The following FAM193A variants were observed in gnomAD, a reference collection of about 807,000 sequenced individuals.
FAM193A encodes protein FAM193A.
FAM193A carries 22 observed loss-of-function variants against 126.5 expected under a neutral mutation model. The observed-to-expected ratio is 0.17, with a 90% CI of 0.12 to 0.25. The LOEUF is 0.25. Ranked by LOEUF, FAM193A falls within the 10% of genes least tolerant of loss-of-function variation. FAM193A has a pLI of 1.00. For synonymous variants in FAM193A, 761 were observed against 646.8 expected (o/e 1.18, Z -2.68); for missense variants, 1,675 against 1,672.8 (o/e 1.00, Z -0.02).
chr4:2,714,331 C>T (rs955499867), intron 19 of FAM193A, among the ~76,000 whole-genome samples: 7 of 152,122 alleles, frequency 4.6e-5, no homozygotes, highest in African/African-American at 1.7e-4. Context: ...ACATGTGGAG[C>T]CTGCTGTGGC....
At position 2,617,752 on chromosome 4, in the gene FAM193A, G is replaced by A. The variant is rs1271741447; in HGVS notation, c.502-7510G>A. On this transcript the variant is annotated intron_variant, in intron 2 of 20. Coordinates refer to ENST00000637812, the MANE Select transcript of FAM193A (RefSeq NM_001366318.2). ...TACTTGGAGCGCCACCATTTCTGGT[G>A]CTAATGTAGTCGTGTGTTTTTCTTA... 2.6e-5 allele frequency among the ~76,000 whole-genome samples: 4 copies of A among 152,248 alleles called. No individual in the cohort carries two copies. The South Asian group carries it at 6.2e-4, about 24-fold the overall frequency.
intron 10 of FAM193A, among the ~76,000 whole-genome samples, chr4:2,660,991 T>TA (rs1213201741): frequency 2.0e-5 from 3 of 152,214 alleles, no homozygotes; most frequent in Non-Finnish European, 4.4e-5. Context: ...AGCTGGCTGT[T>TA]ATCCAACTTC....
rs1553916282 is a variant in FAM193A at position 2,719,063 on chromosome 4, GTGAATACTCCCTACTTTGTTTTA to G, written c.4454+2963_4454+2985del. Among the ~76,000 whole-genome samples, 6 of 152,278 alleles carry G rather than the reference GTGAATACTCCCTACTTTGTTTTA, an allele frequency of 3.9e-5. 1 individual carries two copies. The highest frequency in any genetic ancestry group is 1.5e-5 in the Non-Finnish European group (1 of 68,036). ...AATGAGTGAGACATCACACACACAAGTGAATACTCCCTACTTTGTTTTATGAGACAAGTAAAATTCTGATACCA... is the reference window on the plus strand; with the variant it reads ...AATGAGTGAGACATCACACACACAAGTGAGACAAGTAAAATTCTGATACCA... On this transcript the variant is annotated intron_variant, in intron 20 of 20. Coordinates refer to ENST00000637812, the MANE Select transcript of FAM193A (RefSeq NM_001366318.2).
intron 13 of FAM193A, among the ~76,000 whole-genome samples, chr4:2,682,047 C>G (rs59080809): frequency 7.2e-6 from 1 of 138,826 alleles, no homozygotes; most frequent in Non-Finnish European, 1.5e-5. Flanking sequence ...TGCAGTGATG[C>G]GATCTCGGCT....
chr4:2,592,686 G>T (rs1740638460), intron 1 of FAM193A, among the ~76,000 whole-genome samples: 1 of 152,200 alleles, frequency 6.6e-6, no homozygotes, highest in African/African-American at 2.4e-5. Context: ...TGATTGAGGA[G>T]GCTGAGTTGA....
chr4:2,546,200 C>T lies in FAM193A; in HGVS notation c.255+9030C>T, dbSNP rs186793407. Among the ~76,000 whole-genome samples the T allele has an allele frequency of 3.5e-3, 525 of 151,858 alleles. 6 individuals are homozygous for T. The highest frequency in any genetic ancestry group is 0.012 in the African/African-American group (493 of 41,394). ...AAAGATGGGGTCCCACTGTGTTTCC[C>T]AAGCTGATCTCAAACTCCTGGGCTC... On this transcript the variant is annotated intron_variant, in intron 1 of 20. Transcript: ENST00000637812.
intron 1 of FAM193A, among the ~76,000 whole-genome samples, chr4:2,592,582 G>A (rs937762069): frequency 2.0e-5 from 3 of 152,132 alleles, no homozygotes; most frequent in South Asian, 4.1e-4. Flanking sequence ...AAGAATAACC[G>A]CGGCAAGCTC....
At chr4:2,549,598 G>A (rs1456810342) in intron 1 of FAM193A, among the ~76,000 whole-genome samples, 2 of 150,022 alleles carry the variant, frequency 1.3e-5, no homozygotes, top group African/African-American at 2.4e-5. Flanking sequence ...GGGTTTCACC[G>A]TTTTAGCCAG....
rs1407420358 is a variant in FAM193A at position 2,693,578 on chromosome 4, A to G, written c.2804-8A>G. The G allele has an allele frequency of 1.2e-6, 2 of 1,605,452 alleles. No individual in the cohort carries two copies. The highest frequency in any genetic ancestry group is 4.5e-5 in the East Asian group (2 of 44,676). On this transcript the variant is annotated splice_polypyrimidine_tract_variant and splice_region_variant and intron_variant, in intron 15 of 20. Coordinates refer to ENST00000637812, the MANE Select transcript of FAM193A (RefSeq NM_001366318.2). ...ACTTGGCAGTGACTCTCGCCTCTCTAAATGCAGGTGACGTGTTTCATGGCA... is the reference window on the plus strand; with the variant it reads ...ACTTGGCAGTGACTCTCGCCTCTCTGAATGCAGGTGACGTGTTTCATGGCA...
At position 2,705,078 on chromosome 4, in the gene FAM193A, A is replaced by G. The variant is rs189233826; in HGVS notation, c.4372+4534A>G. On this transcript the variant is annotated intron_variant, in intron 19 of 20. Coordinates refer to ENST00000637812, the MANE Select transcript of FAM193A (RefSeq NM_001366318.2). ...AGGTGCCCACTACCACGCCCGGCTAATTTTTATATCTTTAGTAGAGACGGG... is the reference window on the plus strand; with the variant it reads ...AGGTGCCCACTACCACGCCCGGCTAGTTTTTATATCTTTAGTAGAGACGGG... 1.4e-3 allele frequency among the ~76,000 whole-genome samples: 206 copies of G among 152,112 alleles called. 1 individual carries two copies. Among genetic ancestry groups the G allele is most frequent in the Admixed American group, 1.9e-3 (29 of 15,262 alleles).
chr4:2,697,487 G>C (rs1360869321), intron 18 of FAM193A, among the ~76,000 whole-genome samples: 1 of 152,198 alleles, frequency 6.6e-6, no homozygotes, highest in African/African-American at 2.4e-5. Context: ...GAGCAGATGT[G>C]GGCTGCATGC....
intron 12 of FAM193A, among the ~76,000 whole-genome samples, chr4:2,671,135 A>G (rs1713738941): frequency 6.6e-6 from 1 of 152,172 alleles, no homozygotes; most frequent in Non-Finnish European, 1.5e-5. Context: ...CCAGTTCTCA[A>G]GTCAGCTGTG....
At chr4:2,715,871 C>G in intron 19 of FAM193A, 152 bp from the exon 20 acceptor site, 4 of 634,260 alleles carry the variant, frequency 6.3e-6, no homozygotes, top group Non-Finnish European at 1.1e-5. Context: ...CATAAGCACA[C>G]CAAAGAGATC....
intron 1 of FAM193A, among the ~76,000 whole-genome samples, chr4:2,568,973 C>CTTTTTTTTTTTTTTTTTTTTTTTTT (rs753557878): frequency 2.2e-5 from 2 of 90,722 alleles, no homozygotes; most frequent in Non-Finnish European, 3.9e-5. Context: ...TGTTGTTTTG[C>CTTTTTTTTTTTTTTTTTTTTTTTTT]TTTTTTTTTT....
Position 2,672,441 on chromosome 4 carries a change from C to CA in FAM193A, c.2331+72dup, listed in dbSNP as rs1015971981. On this transcript the variant is annotated intron_variant, in intron 13 of 20. Coordinates refer to ENST00000637812, the MANE Select transcript of FAM193A (RefSeq NM_001366318.2). ...GATCCTACAGGAGTACATAGTCAAA[C>CA]AAAGAAATCTGTGAATTAGCAACTT... 1.9e-6 allele frequency: 3 copies of CA among 1,554,460 alleles called. No individual in the cohort carries two copies. The African/African-American group carries it at 4.1e-5, about 21-fold the overall frequency.
intron 14 of FAM193A, 74 bp downstream of exon 14, chr4:2,689,778 C>T (rs935853359): frequency 1.8e-5 from 20 of 1,107,910 alleles, no homozygotes; most frequent in South Asian, 3.0e-5. Context: ...CGTAGTCTCC[C>T]GTGGAAGCCC....
rs544287434 is a variant in FAM193A at position 2,601,887 on chromosome 4, G to A, written c.501+5558G>A. ...AGATTCTCGCTCTGTTGCCCAGGCCGGAATGCAGTGGCGTGATCTTGGCTC... is the reference window on the plus strand; with the variant it reads ...AGATTCTCGCTCTGTTGCCCAGGCCAGAATGCAGTGGCGTGATCTTGGCTC... On this transcript the variant is annotated intron_variant, in intron 2 of 20. Transcript: ENST00000637812. Among the ~76,000 whole-genome samples the A allele has an allele frequency of 1.5e-4, 23 of 152,112 alleles. No homozygotes were observed. The South Asian group carries it at 4.4e-3, about 29-fold the overall frequency.
Position 2,626,390 on chromosome 4 carries a change from C to G in FAM193A, c.636-20C>G, listed in dbSNP as rs1214247185. ...CAGCAGATTGTGGTGACTTTCTAAC[C>G]TTCCTGTGTTGTCTCACAGAGAAAT... On this transcript the variant is annotated intron_variant, in intron 3 of 20. Coordinates refer to ENST00000637812, the MANE Select transcript of FAM193A (RefSeq NM_001366318.2). 2.9e-6 allele frequency: 2 copies of G among 695,232 alleles called. No individual in the cohort carries two copies. The highest frequency in any genetic ancestry group is 1.5e-5 in the South Asian group (1 of 67,414). 43.1% of individuals were successfully genotyped at this position (695,232 alleles called of 1,614,324 possible).
At chr4:2,705,745 A>G (rs1718232275) in intron 19 of FAM193A, among the ~76,000 whole-genome samples, 1 of 135,900 alleles carries the variant, frequency 7.4e-6, no homozygotes, top group South Asian at 2.5e-4. Context: ...ACGTGCCACC[A>G]TGCTGGCTAA....
Sources: gnomAD v4.1 joint callset for allele counts (sites outside exome capture counted in the v4.1 genomes callset) on GRCh38, gnomAD v4.1.1 for gene constraint, MANE v1.5 for transcripts, NCBI Gene and HGNC (gene_info 2026-07-23, HGNC 2026-07-21) for gene names.